The following ADORA2B variants were observed in gnomAD, a reference collection of about 807,000 sequenced individuals.
ADORA2B encodes the protein adenosine receptor A2b.
ADORA2B carries 18 observed loss-of-function variants against 20.8 expected under a neutral mutation model. That is an observed-to-expected ratio of 0.87 (90% CI 0.60 to 1.29). The LOEUF (loss-of-function observed/expected upper bound fraction) is 1.29. Among genes scored for constraint, ADORA2B ranks in the 50% most tolerant of loss-of-function variants. ADORA2B has a pLI of 0.00. For synonymous variants in ADORA2B, 179 were observed against 178.3 expected (o/e 1.00, Z -0.03); for missense variants, 441 against 422.7 (o/e 1.04, Z -0.38).
chr17:15,953,791 C>G (rs996847555), intron 1 of ADORA2B, among the ~76,000 whole-genome samples: 1 of 152,174 alleles, frequency 6.6e-6, no homozygotes, highest in African/African-American at 2.4e-5. Flanking sequence ...AAAGGTAACT[C>G]GTGCTGCTGG....
At chr17:15,898,163 A>G in the ADORA2B span, among the ~76,000 whole-genome samples, 3 of 152,204 alleles carry the variant, frequency 2.0e-5, no homozygotes, top group Non-Finnish European at 4.4e-5. Flanking sequence ...CAGAAACAAC[A>G]AAACTAACCA....
At chr17:15,945,088 G>C (rs1969781186), upstream of ADORA2B, 1 of 541,080 alleles carries the variant, frequency 1.8e-6, no homozygotes, top group Non-Finnish European at 2.7e-6. Context: ...GGGGGGCCCC[G>C]ACCCGTGGGT....
chr17:15,953,508 G>A (rs906342499), intron 1 of ADORA2B, among the ~76,000 whole-genome samples: 2 of 152,238 alleles, frequency 1.3e-5, no homozygotes, highest in African/African-American at 4.8e-5. Flanking sequence ...CTGCCATCTT[G>A]AAGCAGAATC....
At position 15,974,934 on chromosome 17, in the gene ADORA2B, A is replaced by C. The variant is rs199594845; in HGVS notation, c.591A>C (p.Ile197=). 3 of 1,613,982 alleles carry C rather than the reference A, an allele frequency of 1.9e-6. No homozygotes were observed. In the African/African-American group the frequency reaches 4.0e-5, roughly 22 times the overall value. Residue 197 remains isoleucine, a synonymous_variant, in exon 2 of 2, where the codon ATA becomes ATC. Transcript: ENST00000304222. The part of the protein sequence containing the change: ...FFGCVLPPLL[I]MLVIYIKIFL... ...GGTGTGTTCTGCCCCCACTGCTTATAATGCTGGTGATCTACATTAAGATCT... is the reference window on the plus strand; with the variant it reads ...GGTGTGTTCTGCCCCCACTGCTTATCATGCTGGTGATCTACATTAAGATCT...
the ADORA2B span, among the ~76,000 whole-genome samples, chr17:15,853,357 T>C: frequency 6.6e-6 from 1 of 152,370 alleles, no homozygotes; most frequent in African/African-American, 2.4e-5. Context: ...ATGAAAAGAT[T>C]ATCTTAAAAA....
chr17:15,968,880 G>A (rs1051313964), intron 1 of ADORA2B, among the ~76,000 whole-genome samples: 5 of 152,132 alleles, frequency 3.3e-5, no homozygotes, highest in East Asian at 1.9e-4. Context: ...GGATGTGTCC[G>A]GACAGCTGGG....
chr17:15,884,683 T>C, the ADORA2B span, among the ~76,000 whole-genome samples: 5 of 152,202 alleles, frequency 3.3e-5, no homozygotes, highest in Non-Finnish European at 5.9e-5. Flanking sequence ...TGGTTTTCTC[T>C]TCCTGTATTA....
the ADORA2B span, among the ~76,000 whole-genome samples, chr17:15,921,399 CT>C: frequency 2.6e-5 from 4 of 152,214 alleles, no homozygotes; most frequent in Admixed American, 1.3e-4. Context: ...TTGATGGTTG[CT>C]GTCATTATCT....
the ADORA2B span, among the ~76,000 whole-genome samples, chr17:15,897,370 C>A: frequency 1.2e-4 from 18 of 152,234 alleles, no homozygotes; most frequent in East Asian, 3.5e-3. Context: ...GAGTTGGAGT[C>A]CAGTCTGGGC....
chr17:15,912,193 T>C, the ADORA2B span, among the ~76,000 whole-genome samples: 1 of 136,030 alleles, frequency 7.4e-6, no homozygotes, highest in Non-Finnish European at 1.5e-5. Flanking sequence ...CCAGCCTGGG[T>C]GACAGAATAA....
At chr17:15,917,528 C>A in the ADORA2B span, among the ~76,000 whole-genome samples, 4 of 152,234 alleles carry the variant, frequency 2.6e-5, no homozygotes, top group African/African-American at 9.6e-5. Flanking sequence ...GGTCTGACGC[C>A]CGAGGACCCC....
the ADORA2B span, among the ~76,000 whole-genome samples, chr17:15,897,817 T>C: frequency 3.9e-5 from 6 of 152,186 alleles, no homozygotes; most frequent in African/African-American, 1.4e-4. Flanking sequence ...AGTACTTCTC[T>C]TTCACTATTT....
At chr17:15,932,504 A>G in the ADORA2B span, among the ~76,000 whole-genome samples, 2 of 151,976 alleles carry the variant, frequency 1.3e-5, no homozygotes, top group African/African-American at 4.8e-5. Flanking sequence ...AAAAAAAAAA[A>G]AAAAGAAAGA....
intron 1 of ADORA2B, among the ~76,000 whole-genome samples, chr17:15,946,356 A>G (rs1035784549): frequency 6.6e-6 from 1 of 151,972 alleles, no homozygotes; most frequent in Admixed American, 6.6e-5. Flanking sequence ...TTACTTGTCC[A>G]CTCTTTCTCC....
intron 1 of ADORA2B, among the ~76,000 whole-genome samples, chr17:15,949,442 G>C (rs1294855252): frequency 6.6e-6 from 1 of 152,092 alleles, no homozygotes; most frequent in East Asian, 1.9e-4. Context: ...GAACCCAAGA[G>C]ACAGAGGTTG....
intron 1 of ADORA2B, among the ~76,000 whole-genome samples, chr17:15,953,856 C>G (rs1221523048): frequency 6.6e-6 from 1 of 152,208 alleles, no homozygotes; most frequent in Non-Finnish European, 1.5e-5. Flanking sequence ...TGTCTTGGAT[C>G]TCTGCTTTCC....
At chr17:15,952,766 C>T (rs1257852279) in intron 1 of ADORA2B, among the ~76,000 whole-genome samples, 1 of 152,204 alleles carries the variant, frequency 6.6e-6, no homozygotes, top group Non-Finnish European at 1.5e-5. Flanking sequence ...TCTCCTCCCA[C>T]CTGCACCTTC....
At chr17:15,942,735 C>T (rs903826988), upstream of ADORA2B, among the ~76,000 whole-genome samples, 6 of 152,202 alleles carry the variant, frequency 3.9e-5, no homozygotes, top group East Asian at 3.9e-4. Context: ...TGACCATCCC[C>T]GCCCCGTCCT....
At chr17:15,929,064 C>T in the ADORA2B span, among the ~76,000 whole-genome samples, 2 of 152,078 alleles carry the variant, frequency 1.3e-5, no homozygotes, top group South Asian at 2.1e-4. Flanking sequence ...GAGAGAGCTG[C>T]AGGAGAAACA....
Sources: allele counts gnomAD v4.1 joint callset (sites outside exome capture counted in the v4.1 genomes callset), GRCh38; gene constraint gnomAD v4.1.1; transcripts MANE v1.5; gene names NCBI Gene and HGNC (gene_info 2026-07-23, HGNC 2026-07-21).